Variants in TSPAN13 observed in about 807,000 individuals in gnomAD.
The protein encoded by TSPAN13 is tetraspanin-13.
Under a neutral mutation model 26.9 loss-of-function variants are expected in TSPAN13, and 18 were observed. The ratio of observed to expected loss-of-function variants is 0.67; its 90% CI spans 0.46 to 0.99. TSPAN13 has a LOEUF of 0.99. Ranked by LOEUF, TSPAN13 falls within the 50% of genes least tolerant of loss-of-function variation. TSPAN13 has a pLI of 0.00. For synonymous variants in TSPAN13, 116 were observed against 98.4 expected (o/e 1.18, Z -1.06); for missense variants, 201 against 249.6 (o/e 0.81, Z 1.31).
chr7:16,777,119 A>G lies in TSPAN13; in HGVS notation c.309A>G (p.Gln103=). ...CTTGTTTAGCCCTGAACCAGGAGCA[A>G]CAGGTAAGCTAAGACTTTTTTCTTC... ...SCACLALNQE[Q]QGQLLEVGWN... is the part of the protein sequence containing the mutation. The change falls in exon 3 of 6, where the codon CAA becomes CAG. Residue 103 remains glutamine, a synonymous_variant. Coordinates refer to ENST00000262067, the MANE Select transcript of TSPAN13 (RefSeq NM_014399.4). The G allele has an allele frequency of 1.2e-6, 2 of 1,612,540 alleles. No homozygotes were observed. Among genetic ancestry groups the G allele is most frequent in the South Asian group, 1.1e-5 (1 of 91,018 alleles).
intron 1 of TSPAN13, among the ~76,000 whole-genome samples, chr7:16,772,105 A>G (rs962907208): frequency 1.1e-4 from 16 of 152,176 alleles, no homozygotes; most frequent in Admixed American, 9.8e-4. Context: ...TAATGAGCCT[A>G]TTAGTTGGCA....
At chr7:16,767,796 A>T (rs1002821327) in intron 1 of TSPAN13, among the ~76,000 whole-genome samples, 2 of 152,090 alleles carry the variant, frequency 1.3e-5, no homozygotes, top group Non-Finnish European at 2.9e-5. Flanking sequence ...AACATTTTTC[A>T]TGTGTTGATT....
chr7:16,762,423 G>A (rs1458281524), intron 1 of TSPAN13, among the ~76,000 whole-genome samples: 1 of 152,162 alleles, frequency 6.6e-6, no homozygotes, highest in African/African-American at 2.4e-5. Context: ...GTATGGCTGG[G>A]AGGAGGAATG....
intron 1 of TSPAN13, among the ~76,000 whole-genome samples, chr7:16,768,550 TAAAC>T (rs1205101703): frequency 6.6e-6 from 1 of 152,242 alleles, no homozygotes. Flanking sequence ...AATACTTTCT[TAAAC>T]AGAGTAAATG....
At chr7:16,754,108 C>T in intron 1 of TSPAN13, 78 bp downstream of exon 1, 1 of 1,438,094 alleles carries the variant, frequency 7.0e-7, no homozygotes, top group Non-Finnish European at 9.6e-7. Flanking sequence ...CCTGCCTGGT[C>T]AGCGACTCAC....
rs764521960 is a variant in TSPAN13 at position 16,784,258 on chromosome 7, C to T, written c.*767C>T. 1 of 152,298 alleles carries T rather than the reference C, an allele frequency of 6.6e-6. No individual in the cohort carries two copies. The highest frequency in any genetic ancestry group is 1.5e-5 in the Non-Finnish European group (1 of 68,024). The allele number at this position is 152,298 out of a possible 1,614,324, so 9.4% of individuals were successfully genotyped here. A position where few individuals can be genotyped will look rare whatever the true frequency, so the allele number is the denominator to read the frequency against. The stretch of plus-strand genomic sequence containing the variant: ...TTATAATAATTTGAAGTCTAAAAGA[C>T]TGCATTTTTAAACAAGTTAGTATTA... On this transcript the variant is annotated 3_prime_UTR_variant, in exon 6 of 6. Coordinates refer to ENST00000262067, the MANE Select transcript of TSPAN13 (RefSeq NM_014399.4).
At chr7:16,760,480 T>C (rs994433299) in intron 1 of TSPAN13, among the ~76,000 whole-genome samples, 1 of 152,098 alleles carries the variant, frequency 6.6e-6, no homozygotes, top group African/African-American at 2.4e-5. Context: ...AGATGGCAGG[T>C]GGAGCAGACT....
intron 1 of TSPAN13, 107 bp downstream of exon 1, chr7:16,754,137 C>T: frequency 8.9e-7 from 1 of 1,121,764 alleles, no homozygotes. Flanking sequence ...TCCCGCGCCC[C>T]CTTCCCGGCT....
At position 16,772,457 on chromosome 7, in the gene TSPAN13, G is replaced by C. The variant is rs554399807; in HGVS notation, c.64-3754G>C. Among the ~76,000 whole-genome samples the C allele has an allele frequency of 9.8e-5, 15 of 152,302 alleles. No homozygotes were observed. In the East Asian group the frequency reaches 2.9e-3, roughly 29 times the overall value. The stretch of plus-strand genomic sequence containing the variant: ...GTCCACAGAGTCAGGCTCTCTCAGG[G>C]ACCTGGGGGAGAATCTGTTCTTGCG... On this transcript the variant is annotated intron_variant, in intron 1 of 5. Coordinates refer to ENST00000262067, the MANE Select transcript of TSPAN13 (RefSeq NM_014399.4).
chr7:16,784,227 A>G lies in TSPAN13; in HGVS notation c.*736A>G, dbSNP rs373091532. 4.6e-5 allele frequency: 7 copies of G among 152,656 alleles called. No individual in the cohort carries two copies. The highest frequency in any genetic ancestry group is 1.7e-4 in the African/African-American group (7 of 41,568). 9.5% of individuals were successfully genotyped at this position (152,656 alleles called of 1,614,324 possible). ...GGAAGTATATCTATATGATCTTGATATTGTTTTATAATAATTTGAAGTCTA... is the reference window on the plus strand; with the variant it reads ...GGAAGTATATCTATATGATCTTGATGTTGTTTTATAATAATTTGAAGTCTA... On this transcript the variant is annotated 3_prime_UTR_variant, in exon 6 of 6. Coordinates refer to ENST00000262067, the MANE Select transcript of TSPAN13 (RefSeq NM_014399.4).
chr7:16,757,846 T>C (rs1298849767), intron 1 of TSPAN13, among the ~76,000 whole-genome samples: 1 of 152,156 alleles, frequency 6.6e-6, no homozygotes, highest in Non-Finnish European at 1.5e-5. Context: ...TCTATTTGTA[T>C]TTTTGAGATG....
chr7:16,782,419 G>A (rs1375139973), intron 5 of TSPAN13, among the ~76,000 whole-genome samples: 2 of 152,140 alleles, frequency 1.3e-5, no homozygotes, highest in African/African-American at 2.4e-5. Context: ...TAGGTTAAAA[G>A]TTGGCACACG....
chr7:16,776,411 GAT>G, intron 2 of TSPAN13, 33 bp downstream of exon 2: 1 of 1,594,348 alleles, frequency 6.3e-7, no homozygotes, highest in Non-Finnish European at 8.6e-7. Flanking sequence ...TTTTACTCTT[GAT>G]GACTATTTTG....
rs965703100 is a variant in TSPAN13, at chr7:16,753,946, G to C, written c.-22G>C. 2 of 1,610,340 alleles carry C rather than the reference G, an allele frequency of 1.2e-6. No homozygotes were observed. Among genetic ancestry groups the C allele is most frequent in the African/African-American group, 1.3e-5 (1 of 74,862 alleles). ...GCCGGAGTCGAATTTACGTGCAGCT[G>C]CCGGCAACCACAGGTTCCAAGATGG... is the stretch of plus-strand genomic sequence containing the variant. On this transcript the variant is annotated 5_prime_UTR_variant, in exon 1 of 6. Transcript: ENST00000262067.
chr7:16,767,087 A>G (rs60100439), intron 1 of TSPAN13, among the ~76,000 whole-genome samples: 20,743 of 152,098 alleles, frequency 0.14, 1,736 homozygotes, highest in East Asian at 0.38. Flanking sequence ...TGTTGAGACT[A>G]TAGGCACACC....
intron 1 of TSPAN13, among the ~76,000 whole-genome samples, chr7:16,758,071 G>A (rs893373240): frequency 6.6e-5 from 10 of 152,062 alleles, no homozygotes; most frequent in African/African-American, 2.4e-4. Context: ...CTGACCTCAG[G>A]CGATCCACCC....
In TSPAN13 at chr7:16,776,258, C is replaced by G; in HGVS notation, c.111C>G (p.Phe37Leu). 6.2e-7 allele frequency: 1 copy of G among 1,614,056 alleles called. No homozygotes were observed. Among genetic ancestry groups the G allele is most frequent in the Non-Finnish European group, 8.5e-7 (1 of 1,180,010 alleles). The stretch of plus-strand genomic sequence containing the variant: ...GAATTGCTGCGTGGGGCATTGGCTT[C>G]GGGCTGATTTCCAGTCTCCGAGTGG... ...LIGIAAWGIG[F>L]GLISSLRVVG... Residue 37 changes from phenylalanine to leucine, a missense_variant, in exon 2 of 6, where the codon TTC becomes TTG. Transcript: ENST00000262067.
chr7:16,760,045 G>A (rs1336402801), intron 1 of TSPAN13, among the ~76,000 whole-genome samples: 1 of 152,118 alleles, frequency 6.6e-6, no homozygotes, highest in African/African-American at 2.4e-5. Flanking sequence ...GTGGGACAGA[G>A]CAAGCAAGCA....
intron 5 of TSPAN13, among the ~76,000 whole-genome samples, chr7:16,781,391 G>T (rs1784812121): frequency 6.6e-6 from 1 of 152,214 alleles, no homozygotes; most frequent in Non-Finnish European, 1.5e-5. Context: ...CACACTGAGT[G>T]TAGGTTCTAG....
Sources: allele counts gnomAD v4.1 joint callset (sites outside exome capture counted in the v4.1 genomes callset), GRCh38; gene constraint gnomAD v4.1.1; transcripts MANE v1.5; gene names NCBI Gene and HGNC (gene_info 2026-07-23, HGNC 2026-07-21).